The following LRP1B variants were observed in gnomAD, a reference collection of about 807,000 sequenced individuals.
The protein encoded by LRP1B is LDL receptor related protein 1B.
In LRP1B, 217 loss-of-function variants were observed where a neutral mutation model predicts 556.6. The observed-to-expected ratio is 0.39, with a 90% confidence interval of 0.35 to 0.44. The LOEUF is 0.44. Among genes scored for constraint, LRP1B ranks in the 20% least tolerant of loss-of-function variants. The probability of loss-of-function intolerance (pLI) is 1.00; values close to 1 mark genes in which losing one functional copy is unlikely to be tolerated. For synonymous variants in LRP1B, 2,047 were observed against 1,865.8 expected, an observed-to-expected ratio of 1.10 and a Z score of -2.50; for missense variants, 5,053 against 5,620.8, an observed-to-expected ratio of 0.90 and a Z score of 3.23.
At chr2:141,156,841 G>A (rs567847160) in intron 7 of LRP1B, among the ~76,000 whole-genome samples, 19 of 152,156 alleles carry the variant, frequency 1.2e-4, no homozygotes, top group African/African-American at 4.6e-4. Flanking sequence ...ACAAAGTAAA[G>A]TAATGGCAAA....
rs375363396 is a variant in LRP1B, at chr2:140,732,437, C to T, written c.5759-15621G>A. 1.2e-4 allele frequency among the ~76,000 whole-genome samples: 19 copies of T among 152,180 alleles called. No individual in the cohort carries two copies. In the South Asian group the frequency reaches 3.9e-3, roughly 32 times the overall value. ...CCTGAACTGCATGATGTTTCACTTA[C>T]AGTGTTTCCATTTTAGGAGCAGAGA... On this transcript the variant is annotated intron_variant, in intron 35 of 90. Transcript: ENST00000389484.
intron 68 of LRP1B, among the ~76,000 whole-genome samples, chr2:140,374,272 A>G (rs919547404): frequency 1.3e-5 from 2 of 152,126 alleles, no homozygotes; most frequent in African/African-American, 4.8e-5. Context: ...GCCAAAATGT[A>G]CTTGTCTGCT....
chr2:141,599,956 C>CCA (rs1687667656), intron 2 of LRP1B, among the ~76,000 whole-genome samples: 2 of 152,082 alleles, frequency 1.3e-5, no homozygotes, highest in African/African-American at 2.4e-5. Flanking sequence ...CCTGCCCGCT[C>CCA]CACACACACC....
chr2:141,813,553 A>T (rs533686744), intron 1 of LRP1B, among the ~76,000 whole-genome samples: 19 of 151,568 alleles, frequency 1.3e-4, no homozygotes, highest in African/African-American at 4.6e-4. Context: ...GGGATTCCAG[A>T]GATCAGATAA....
intron 63 of LRP1B, among the ~76,000 whole-genome samples, chr2:140,444,886 A>G (rs1042524387): frequency 6.6e-6 from 1 of 152,140 alleles, no homozygotes; most frequent in Non-Finnish European, 1.5e-5. Context: ...TTAATAAACC[A>G]TACTTTAGAA....
At chr2:141,503,991 C>T (rs1683823894) in intron 2 of LRP1B, among the ~76,000 whole-genome samples, 1 of 152,076 alleles carries the variant, frequency 6.6e-6, no homozygotes, top group African/African-American at 2.4e-5. Flanking sequence ...AAGGCTAACT[C>T]CGAAAGCTAC....
chr2:141,092,090 T>C (rs1700184290), intron 7 of LRP1B, among the ~76,000 whole-genome samples: 1 of 152,250 alleles, frequency 6.6e-6, no homozygotes, highest in African/African-American at 2.4e-5. Context: ...TATGCTATGC[T>C]AACTCTTGTT....
At chr2:141,211,846 C>G (rs1682568226) in intron 6 of LRP1B, among the ~76,000 whole-genome samples, 1 of 152,132 alleles carries the variant, frequency 6.6e-6, no homozygotes. Flanking sequence ...ATAATTGTAA[C>G]TGTCCTTTTT....
intron 1 of LRP1B, among the ~76,000 whole-genome samples, chr2:142,108,219 G>A (rs897366206): frequency 2.0e-5 from 3 of 151,718 alleles, no homozygotes; most frequent in African/African-American, 4.8e-5. Flanking sequence ...AAATAATAAA[G>A]CAGACATGTT....
intron 2 of LRP1B, among the ~76,000 whole-genome samples, chr2:141,794,640 G>T (rs771221502): frequency 4.0e-5 from 6 of 151,882 alleles, no homozygotes; most frequent in African/African-American, 1.2e-4. Context: ...GATATTTAGG[G>T]TATGGTACTA....
intron 37 of LRP1B, among the ~76,000 whole-genome samples, chr2:140,705,521 CAAAAAAAAAAA>C (rs565447198): frequency 8.8e-5 from 6 of 68,212 alleles, no homozygotes; most frequent in South Asian, 1.2e-3. Flanking sequence ...GAGACTGTCT[CAAAAAAAAAAA>C]AAAAAAAAAA....
chr2:141,364,464 T>C (rs1363627975), intron 3 of LRP1B, among the ~76,000 whole-genome samples: 4 of 152,060 alleles, frequency 2.6e-5, no homozygotes, highest in African/African-American at 9.7e-5. Context: ...TTGTACCCCA[T>C]AAATATGTAC....
intron 3 of LRP1B, among the ~76,000 whole-genome samples, chr2:141,325,085 A>G (rs1167760131): frequency 6.6e-6 from 1 of 152,102 alleles, no homozygotes; most frequent in Non-Finnish European, 1.5e-5. Flanking sequence ...CTGTTGAAAA[A>G]GAAATCATGC....
intron 1 of LRP1B, among the ~76,000 whole-genome samples, chr2:142,059,664 T>TGCTAA (rs1704827895): frequency 6.6e-6 from 1 of 152,222 alleles, no homozygotes; most frequent in East Asian, 1.9e-4. Flanking sequence ...AGAAATACAT[T>TGCTAA]TATCTTACCT....
chr2:141,260,685 C>T (rs926337485), intron 3 of LRP1B, among the ~76,000 whole-genome samples: 1 of 152,168 alleles, frequency 6.6e-6, no homozygotes, highest in African/African-American at 2.4e-5. Flanking sequence ...AAATAACTCA[C>T]ATTGATCATG....
At chr2:140,313,009 A>G (rs1006258597) in intron 83 of LRP1B, among the ~76,000 whole-genome samples, 6 of 151,986 alleles carry the variant, frequency 3.9e-5, no homozygotes, top group African/African-American at 1.2e-4. Flanking sequence ...AAGTAAACCA[A>G]CAATGAATAA....
chr2:141,558,987 T>G (rs1686051718), intron 2 of LRP1B, among the ~76,000 whole-genome samples: 1 of 151,522 alleles, frequency 6.6e-6, no homozygotes, highest in Non-Finnish European at 1.5e-5. Flanking sequence ...GCTCCTAACT[T>G]TAGCCTTAGG....
chr2:140,523,274 C>G (rs571015096), intron 49 of LRP1B, among the ~76,000 whole-genome samples: 35 of 151,986 alleles, frequency 2.3e-4, no homozygotes, highest in African/African-American at 8.2e-4. Context: ...ACTACATAAA[C>G]AGAATTAAGA....
At chr2:141,801,375 A>G (rs1696000134) in intron 2 of LRP1B, among the ~76,000 whole-genome samples, 1 of 152,056 alleles carries the variant, frequency 6.6e-6, no homozygotes, top group Non-Finnish European at 1.5e-5. Flanking sequence ...TGCAGCCTTG[A>G]GTTCTTGGGT....
Sources: gnomAD v4.1 joint callset for allele counts (sites outside exome capture counted in the v4.1 genomes callset) on GRCh38, gnomAD v4.1.1 for gene constraint, MANE v1.5 for transcripts, NCBI Gene and HGNC (gene_info 2026-07-23, HGNC 2026-07-21) for gene names.